TTLL5: variants seen among roughly 807,000 people sequenced by gnomAD.
The protein encoded by TTLL5 is tubulin polyglutamylase TTLL5.
TTLL5 carries 132 observed loss-of-function variants against 168.4 expected under a neutral mutation model. The observed-to-expected ratio is 0.78, with a 90% CI of 0.68 to 0.91. TTLL5 has a LOEUF of 0.91. Among genes scored for constraint, TTLL5 ranks in the 40% least tolerant of loss-of-function variants. The pLI is 0.00. For synonymous variants in TTLL5, 546 were observed against 558.6 expected (o/e 0.98, Z 0.32); for missense variants, 1,545 against 1,581.5 (o/e 0.98, Z 0.39).
At chr14:75,808,328 G>T (rs1893777248) in intron 27 of TTLL5, among the ~76,000 whole-genome samples, 1 of 152,128 alleles carries the variant, frequency 6.6e-6, no homozygotes, top group Non-Finnish European at 1.5e-5. Context: ...TGCTTTTCCT[G>T]ACCCCCTTTA....
chr14:75,706,923 T>A, intron 7 of TTLL5, 95 bp from the exon 8 acceptor site: 1 of 1,098,830 alleles, frequency 9.1e-7, no homozygotes, highest in South Asian at 1.4e-5. Flanking sequence ...TTTTCCACCT[T>A]ACCATTTCTT....
At chr14:75,702,390 T>A (rs182736315) in intron 7 of TTLL5, among the ~76,000 whole-genome samples, 13 of 152,320 alleles carry the variant, frequency 8.5e-5, no homozygotes, top group Non-Finnish European at 1.3e-4. Flanking sequence ...ACGGCACTAG[T>A]TTGGGTTTAG....
chr14:75,898,907 AT>A (rs1329884385), intron 30 of TTLL5, among the ~76,000 whole-genome samples: 3 of 152,206 alleles, frequency 2.0e-5, no homozygotes, highest in Non-Finnish European at 4.4e-5. Context: ...TTAATAGCAA[AT>A]TGCTGTTAAC....
chr14:75,812,071 C>T (rs1432140736), intron 27 of TTLL5, among the ~76,000 whole-genome samples: 1 of 152,176 alleles, frequency 6.6e-6, no homozygotes, highest in Non-Finnish European at 1.5e-5. Context: ...TATTTGCTCA[C>T]CTGCCTTATT....
chr14:75,665,847 G>A (rs376710666), intron 2 of TTLL5, among the ~76,000 whole-genome samples: 17 of 152,230 alleles, frequency 1.1e-4, no homozygotes, highest in East Asian at 9.6e-4. Context: ...GTGAGACTCC[G>A]TCTCAAACAA....
At chr14:75,907,180 G>T (rs927675512) in intron 31 of TTLL5, among the ~76,000 whole-genome samples, 1 of 152,136 alleles carries the variant, frequency 6.6e-6, no homozygotes, top group African/African-American at 2.4e-5. Context: ...TTGATGAATT[G>T]TGTTTTTGCT....
intron 27 of TTLL5, among the ~76,000 whole-genome samples, chr14:75,800,461 G>A (rs1471738309): frequency 2.0e-5 from 3 of 152,076 alleles, no homozygotes; most frequent in African/African-American, 4.8e-5. Flanking sequence ...GACCTTTTGA[G>A]TTCTTTTTCT....
chr14:75,921,653 TA>T (rs1364630783), intron 31 of TTLL5, among the ~76,000 whole-genome samples: 4 of 152,218 alleles, frequency 2.6e-5, no homozygotes, highest in Admixed American at 6.5e-5. Flanking sequence ...TGAAGTCAGG[TA>T]GTGCGATGCC....
At chr14:75,687,943 C>T (rs1442699590) in intron 5 of TTLL5, among the ~76,000 whole-genome samples, 1 of 152,176 alleles carries the variant, frequency 6.6e-6, no homozygotes, top group Non-Finnish European at 1.5e-5. Flanking sequence ...CAAGTGTGGG[C>T]CAGGATGCAT....
At chr14:75,848,172 G>A (rs1198052682) in intron 28 of TTLL5, among the ~76,000 whole-genome samples, 1 of 152,044 alleles carries the variant, frequency 6.6e-6, no homozygotes, top group Non-Finnish European at 1.5e-5. Context: ...AGGCCTCACT[G>A]TTCCAAGTTG....
chr14:75,674,933 A>G (rs1884022946), intron 3 of TTLL5, among the ~76,000 whole-genome samples: 2 of 152,060 alleles, frequency 1.3e-5, no homozygotes, highest in African/African-American at 2.4e-5. Context: ...AACCATTAAT[A>G]TTTTATATCT....
intron 31 of TTLL5, among the ~76,000 whole-genome samples, chr14:75,912,948 C>T (rs978419441): frequency 7.2e-5 from 11 of 152,072 alleles, no homozygotes; most frequent in African/African-American, 2.4e-4. Context: ...TTGTGGTCTT[C>T]GTAATCCAAG....
chr14:75,874,595 A>G (rs1307775466), intron 29 of TTLL5, among the ~76,000 whole-genome samples: 1 of 152,228 alleles, frequency 6.6e-6, no homozygotes, highest in Non-Finnish European at 1.5e-5. Context: ...CTGATGAAAT[A>G]CAAATTGGTA....
At chr14:75,933,957 C>A (rs973023035) in intron 31 of TTLL5, among the ~76,000 whole-genome samples, 5 of 152,200 alleles carry the variant, frequency 3.3e-5, no homozygotes, top group Non-Finnish European at 7.3e-5. Context: ...CCAGCCAGCA[C>A]CTCCATCTTG....
chr14:75,716,500 T>C (rs1270490029), intron 9 of TTLL5, among the ~76,000 whole-genome samples: 1 of 152,206 alleles, frequency 6.6e-6, no homozygotes, highest in Non-Finnish European at 1.5e-5. Flanking sequence ...GAAAGTTTTT[T>C]AATGCTGACC....
At chr14:75,925,160 G>A (rs1216215833) in intron 31 of TTLL5, among the ~76,000 whole-genome samples, 2 of 145,412 alleles carry the variant, frequency 1.4e-5, no homozygotes, top group Admixed American at 6.7e-5. Flanking sequence ...CCTCCCTCCC[G>A]GACGGGGCGG....
intron 28 of TTLL5, among the ~76,000 whole-genome samples, chr14:75,849,706 G>T (rs955292805): frequency 4.6e-5 from 7 of 152,160 alleles, no homozygotes; most frequent in Admixed American, 2.6e-4. Context: ...AGAAGACCAG[G>T]GGACTACAAA....
In TTLL5 at chr14:75,702,177, G is replaced by A. The variant is rs537181683; in HGVS notation, c.585+2907G>A. Among the ~76,000 whole-genome samples the A allele has an allele frequency of 1.2e-4, 18 of 152,368 alleles. No homozygotes were observed. The South Asian group carries it at 3.1e-3, about 26-fold the overall frequency. ...TGATAGAGCAACTGCTACAGCCCCA[G>A]GCATTGGCTGCAACTTCTGTTACCT... On this transcript the variant is annotated intron_variant, in intron 7 of 31. Transcript: ENST00000298832.
At chr14:75,738,960 A>G (rs1311310187) in intron 15 of TTLL5, among the ~76,000 whole-genome samples, 1 of 152,010 alleles carries the variant, frequency 6.6e-6, no homozygotes, top group Non-Finnish European at 1.5e-5. Context: ...GCACACCACC[A>G]TGCCTGGCTA....
Sources: gnomAD v4.1 joint callset for allele counts (sites outside exome capture counted in the v4.1 genomes callset) on GRCh38, gnomAD v4.1.1 for gene constraint, MANE v1.5 for transcripts, NCBI Gene and HGNC (gene_info 2026-07-23, HGNC 2026-07-21) for gene names.